The following PABPC4L variants were observed in gnomAD, a reference collection of about 807,000 sequenced individuals.
PABPC4L encodes poly(A) binding protein cytoplasmic 4 like.
For synonymous variants in PABPC4L, 169 were observed against 164.1 expected (o/e 1.03, Z -0.23); for missense variants, 452 against 451.4 (o/e 1.00, Z -0.01).
At chr4:134,166,136 G>T in the PABPC4L span, among the ~76,000 whole-genome samples, 1 of 152,236 alleles carries the variant, frequency 6.6e-6, no homozygotes, top group Middle Eastern at 3.4e-3. Flanking sequence ...AGCCAGGAGG[G>T]TTGGAGTGAG....
the PABPC4L span, among the ~76,000 whole-genome samples, chr4:133,974,141 C>G: frequency 2.6e-5 from 4 of 152,074 alleles, no homozygotes; most frequent in African/African-American, 9.7e-5. Context: ...AGAGAGTATG[C>G]TACTGGCATA....
At chr4:134,079,861 A>G in the PABPC4L span, among the ~76,000 whole-genome samples, 16 of 152,112 alleles carry the variant, frequency 1.1e-4, no homozygotes, top group Admixed American at 4.6e-4. Flanking sequence ...AATGCTTTCT[A>G]TTTGTGTTAG....
At chr4:134,119,984 A>T in the PABPC4L span, among the ~76,000 whole-genome samples, 1 of 151,644 alleles carries the variant, frequency 6.6e-6, no homozygotes. Flanking sequence ...CATTTAATTC[A>T]TTCTAACATT....
the PABPC4L span, among the ~76,000 whole-genome samples, chr4:133,955,963 A>G: frequency 6.6e-6 from 1 of 152,110 alleles, no homozygotes; most frequent in Non-Finnish European, 1.5e-5. Context: ...GAGTCAATAA[A>G]TGCTCTTAAT....
chr4:134,125,419 G>A, the PABPC4L span, among the ~76,000 whole-genome samples: 2 of 151,704 alleles, frequency 1.3e-5, no homozygotes, highest in East Asian at 1.9e-4. Context: ...CCATTAACTC[G>A]TCATTTCAAC....
the PABPC4L span, among the ~76,000 whole-genome samples, chr4:133,982,460 T>G: frequency 0.014 from 2,189 of 152,156 alleles, 51 homozygotes; most frequent in African/African-American, 0.048. Flanking sequence ...AATAGTTGCT[T>G]ACTTGAAATC....
the PABPC4L span, among the ~76,000 whole-genome samples, chr4:134,061,557 A>G: frequency 2.6e-5 from 4 of 151,836 alleles, no homozygotes; most frequent in Non-Finnish European, 4.4e-5. Context: ...TGTAAGAACA[A>G]TCAAGAAGTG....
the PABPC4L span, among the ~76,000 whole-genome samples, chr4:133,988,935 A>G: frequency 6.6e-6 from 1 of 152,114 alleles, no homozygotes; most frequent in Non-Finnish European, 1.5e-5. Context: ...CAACTGCAGG[A>G]CAAACACCAT....
the PABPC4L span, among the ~76,000 whole-genome samples, chr4:133,972,970 C>T: frequency 1.2e-4 from 19 of 152,234 alleles, 1 homozygote; most frequent in South Asian, 3.9e-3. Flanking sequence ...CTGTCAGAAA[C>T]ATGCTGAGTG....
chr4:134,120,051 A>G, the PABPC4L span, among the ~76,000 whole-genome samples: 1 of 151,594 alleles, frequency 6.6e-6, no homozygotes, highest in African/African-American at 2.4e-5. Flanking sequence ...ATTCTTTCAC[A>G]TATTTTCTGG....
At chr4:134,126,115 A>G in the PABPC4L span, among the ~76,000 whole-genome samples, 1 of 152,168 alleles carries the variant, frequency 6.6e-6, no homozygotes, top group Non-Finnish European at 1.5e-5. Context: ...TATGCACTCA[A>G]ATACAGGAGA....
the PABPC4L span, among the ~76,000 whole-genome samples, chr4:134,034,260 C>A: frequency 4.6e-5 from 7 of 151,888 alleles, no homozygotes; most frequent in Non-Finnish European, 1.0e-4. Context: ...TTTGAAACTA[C>A]TTCTCACTAG....
the PABPC4L span, among the ~76,000 whole-genome samples, chr4:134,043,126 T>A: frequency 6.6e-6 from 1 of 152,160 alleles, no homozygotes; most frequent in East Asian, 1.9e-4. Context: ...AGTAACCTCC[T>A]TCCAGCTGTC....
chr4:134,183,274 C>A, the PABPC4L span, among the ~76,000 whole-genome samples: 2 of 151,812 alleles, frequency 1.3e-5, no homozygotes, highest in African/African-American at 4.8e-5. Context: ...TACTATGCAG[C>A]CATAAAAAAG....
the PABPC4L span, among the ~76,000 whole-genome samples, chr4:133,995,820 T>C: frequency 6.6e-6 from 1 of 152,176 alleles, no homozygotes; most frequent in African/African-American, 2.4e-5. Context: ...AGAGGAGATA[T>C]TGGCTGGGCT....
the PABPC4L span, among the ~76,000 whole-genome samples, chr4:133,953,773 C>G: frequency 6.6e-6 from 1 of 152,168 alleles, no homozygotes; most frequent in Non-Finnish European, 1.5e-5. Flanking sequence ...AGGATGCTCT[C>G]TCTCCCAAAT....
chr4:134,153,327 T>C, the PABPC4L span, among the ~76,000 whole-genome samples: 1 of 152,066 alleles, frequency 6.6e-6, no homozygotes, highest in Non-Finnish European at 1.5e-5. Context: ...TTGGATATAA[T>C]GTTCAGATGC....
chr4:134,085,203 A>C, the PABPC4L span, among the ~76,000 whole-genome samples: 7 of 152,210 alleles, frequency 4.6e-5, no homozygotes, highest in Non-Finnish European at 7.4e-5. Context: ...GGGGTTTCCC[A>C]GGGGCCCTTG....
At chr4:134,126,098 T>C in the PABPC4L span, among the ~76,000 whole-genome samples, 1 of 152,184 alleles carries the variant, frequency 6.6e-6, no homozygotes. Flanking sequence ...ATTACCATTT[T>C]ATTTCCTATG....
Sources: gnomAD v4.1 joint callset for allele counts (sites outside exome capture counted in the v4.1 genomes callset) on GRCh38, gnomAD v4.1.1 for gene constraint, MANE v1.5 for transcripts, NCBI Gene and HGNC (gene_info 2026-07-23, HGNC 2026-07-21) for gene names.